SGCZ: variants seen among roughly 807,000 people sequenced by gnomAD.
The protein encoded by SGCZ is sarcoglycan zeta, also known as zeta-sarcoglycan.
In SGCZ, 40 loss-of-function variants were observed where a neutral mutation model predicts 41.3. The ratio of observed to expected loss-of-function variants is 0.97; its 90% CI spans 0.75 to 1.26. The LOEUF is 1.26. Among genes scored for constraint, SGCZ ranks in the 50% most tolerant of loss-of-function variants. The pLI is 0.00. For synonymous variants in SGCZ, 206 were observed against 137.5 expected, an observed-to-expected ratio of 1.50 and a Z score of -3.49; for missense variants, 552 against 369.8, an observed-to-expected ratio of 1.49 and a Z score of -4.04.
intron 1 of SGCZ, among the ~76,000 whole-genome samples, chr8:14,943,588 G>C (rs1800346109): frequency 6.6e-6 from 1 of 152,102 alleles, no homozygotes; most frequent in Non-Finnish European, 1.5e-5. Flanking sequence ...CTTTTATTTG[G>C]GTTCTGGGGT....
chr8:14,163,992 A>T (rs1166243719), intron 5 of SGCZ, among the ~76,000 whole-genome samples: 1 of 152,140 alleles, frequency 6.6e-6, no homozygotes, highest in Non-Finnish European at 1.5e-5. Flanking sequence ...TTGTCATCAA[A>T]TTATTCCCCA....
At chr8:15,053,056 T>C (rs1355871813) in intron 1 of SGCZ, among the ~76,000 whole-genome samples, 1 of 152,144 alleles carries the variant, frequency 6.6e-6, no homozygotes, top group Non-Finnish European at 1.5e-5. Flanking sequence ...ACTCTAAATC[T>C]ATACTCTAAC....
intron 7 of SGCZ, among the ~76,000 whole-genome samples, chr8:14,099,132 A>G (rs1242937533): frequency 6.6e-6 from 1 of 152,182 alleles, no homozygotes; most frequent in Non-Finnish European, 1.5e-5. Flanking sequence ...GGGCTGCTAT[A>G]TATTGATTCT....
intron 2 of SGCZ, among the ~76,000 whole-genome samples, chr8:14,371,581 G>C (rs201230230): frequency 6.6e-6 from 1 of 151,972 alleles, no homozygotes; most frequent in Non-Finnish European, 1.5e-5. Context: ...TGAACTTTCA[G>C]TCATCTTTCC....
intron 2 of SGCZ, among the ~76,000 whole-genome samples, chr8:14,378,228 G>A (rs1804212318): frequency 6.6e-6 from 1 of 151,300 alleles, no homozygotes; most frequent in Non-Finnish European, 1.5e-5. Flanking sequence ...CATTCTAACT[G>A]GTGTGAGATG....
Position 15,002,364 on chromosome 8 carries a change from G to A in SGCZ, c.39+235221C>T, listed in dbSNP as rs147008724. Among the ~76,000 whole-genome samples, 848 of 152,294 alleles carry A rather than the reference G, an allele frequency of 5.6e-3. 5 individuals are homozygous for A. Among genetic ancestry groups the A allele is most frequent in the Non-Finnish European group, 9.2e-3 (625 of 68,030 alleles). ...ACAGATTGCACGGTTGGTGCCTTCT[G>A]AGAAGAGAAGACATAGTAAGAATTT... On this transcript the variant is annotated intron_variant, in intron 1 of 7. Transcript: ENST00000382080.
chr8:14,820,633 TGTAA>T (rs1233187406), intron 1 of SGCZ, among the ~76,000 whole-genome samples: 2 of 152,036 alleles, frequency 1.3e-5, no homozygotes, highest in Admixed American at 6.6e-5. Context: ...TCTGAACTCT[TGTAA>T]GTATCTTTTC....
At chr8:14,221,445 A>T (rs1337648203) in intron 4 of SGCZ, among the ~76,000 whole-genome samples, 1 of 152,220 alleles carries the variant, frequency 6.6e-6, no homozygotes, top group Non-Finnish European at 1.5e-5. Flanking sequence ...TGCCTGAAAT[A>T]TGGTGGCACC....
chr8:14,835,807 T>C (rs534726697), intron 1 of SGCZ, among the ~76,000 whole-genome samples: 1 of 152,302 alleles, frequency 6.6e-6, no homozygotes, highest in South Asian at 2.1e-4. Context: ...GGGATTTCTT[T>C]ATGTCAGTTG....
At chr8:14,806,337 G>C (rs1286910589) in intron 1 of SGCZ, among the ~76,000 whole-genome samples, 1 of 149,948 alleles carries the variant, frequency 6.7e-6, no homozygotes, top group East Asian at 2.0e-4. Context: ...CCACTAGCAA[G>C]ACTAATAAAG....
chr8:14,490,465 A>G (rs1051031051), intron 2 of SGCZ, among the ~76,000 whole-genome samples: 53 of 152,334 alleles, frequency 3.5e-4, no homozygotes, highest in African/African-American at 1.2e-3. Context: ...CAAAGCATTC[A>G]AAAATGAACA....
At chr8:14,755,346 T>A (rs1478080195) in intron 1 of SGCZ, among the ~76,000 whole-genome samples, 1 of 152,182 alleles carries the variant, frequency 6.6e-6, no homozygotes, top group East Asian at 1.9e-4. Flanking sequence ...ATTGAACACA[T>A]TAGCAAACAA....
At chr8:14,863,571 T>C (rs1347375841) in intron 1 of SGCZ, among the ~76,000 whole-genome samples, 2 of 152,128 alleles carry the variant, frequency 1.3e-5, no homozygotes, top group African/African-American at 4.8e-5. Context: ...ACACTGACAG[T>C]CCTATCAGGC....
At chr8:14,819,821 A>G (rs1277152895) in intron 1 of SGCZ, among the ~76,000 whole-genome samples, 1 of 152,138 alleles carries the variant, frequency 6.6e-6, no homozygotes, top group Non-Finnish European at 1.5e-5. Context: ...ACAAGATTTT[A>G]TGTTAGCACA....
rs539934144 is a variant in SGCZ, at chr8:14,840,584, A to C, written c.40-285658T>G. Among the ~76,000 whole-genome samples the C allele has an allele frequency of 9.9e-5, 15 of 152,274 alleles. No homozygotes were observed. In the South Asian group the frequency reaches 2.7e-3, roughly 27 times the overall value. ...CTAATGGAGGGGGAAATCAGAATCA[A>C]TGTCAAAGAAACCAAGTCTCATTTC... On this transcript the variant is annotated intron_variant, in intron 1 of 7. Transcript: ENST00000382080.
intron 1 of SGCZ, among the ~76,000 whole-genome samples, chr8:14,838,057 G>C (rs957344948): frequency 1.3e-5 from 2 of 152,098 alleles, no homozygotes; most frequent in Non-Finnish European, 2.9e-5. Flanking sequence ...GACAGAAATG[G>C]AGTACATTGT....
chr8:14,900,528 C>A (rs1798936169), intron 1 of SGCZ, among the ~76,000 whole-genome samples: 1 of 152,164 alleles, frequency 6.6e-6, no homozygotes, highest in African/African-American at 2.4e-5. Flanking sequence ...ACAAACTCAA[C>A]TATACCGCTG....
chr8:14,358,494 T>C (rs555035630), intron 2 of SGCZ, among the ~76,000 whole-genome samples: 79 of 152,276 alleles, frequency 5.2e-4, no homozygotes, highest in Non-Finnish European at 6.6e-4. Flanking sequence ...ATATAAAATA[T>C]GTTATATGTC....
rs1312126551 is a variant in SGCZ at position 14,554,894 on chromosome 8, T to C, written c.72A>G (p.Gln24=). Residue 24 remains glutamine (Q), a synonymous_variant, in exon 2 of 8, where the codon CAA becomes CAG. Transcript: ENST00000382080. The part of the protein sequence containing the change: ...MTREQYILAT[Q]QNNLPRTENA... ...TCTCAGTCCTTGGCAGGTTATTCTGTTGGGTTGCTAGTATGTATTGTTCTC... is the reference window on the plus strand; with the variant it reads ...TCTCAGTCCTTGGCAGGTTATTCTGCTGGGTTGCTAGTATGTATTGTTCTC... The C allele has an allele frequency of 5.6e-6, 9 of 1,612,830 alleles. No homozygotes were observed. Among genetic ancestry groups the C allele is most frequent in the Non-Finnish European group, 5.9e-6 (7 of 1,179,336 alleles).
Sources: gnomAD v4.1 joint callset for allele counts (sites outside exome capture counted in the v4.1 genomes callset) on GRCh38, gnomAD v4.1.1 for gene constraint, MANE v1.5 for transcripts, NCBI Gene and HGNC (gene_info 2026-07-23, HGNC 2026-07-21) for gene names.